EXOC2: variants seen among roughly 807,000 people sequenced by gnomAD.
EXOC2 encodes the protein exocyst complex component 2, also known as SEC5-like 1.
EXOC2 carries 70 observed loss-of-function variants against 131.8 expected under a neutral mutation model. The observed-to-expected ratio is 0.53, with a 90% CI of 0.44 to 0.65. The LOEUF (loss-of-function observed/expected upper bound fraction) is 0.65. Ranked by LOEUF, EXOC2 falls within the 30% of genes least tolerant of loss-of-function variation. EXOC2 has a pLI of 0.00. For synonymous variants in EXOC2, 411 were observed against 398.4 expected, an observed-to-expected ratio of 1.03 and a Z score of -0.38; for missense variants, 923 against 1,108.6, an observed-to-expected ratio of 0.83 and a Z score of 2.38.
chr6:548,229 C>T (rs954750424), intron 22 of EXOC2, among the ~76,000 whole-genome samples: 7 of 151,976 alleles, frequency 4.6e-5, no homozygotes, highest in Non-Finnish European at 7.4e-5. Context: ...AAGACAGGGC[C>T]GCCCACTTTG....
At chr6:526,668 G>A (rs962898946) in intron 23 of EXOC2, among the ~76,000 whole-genome samples, 2 of 152,048 alleles carry the variant, frequency 1.3e-5, no homozygotes, top group Admixed American at 6.5e-5. Flanking sequence ...TTGAACTCCC[G>A]ACCTCAGGTG....
At chr6:583,834 G>C (rs1487205818) in intron 11 of EXOC2, among the ~76,000 whole-genome samples, 1 of 152,158 alleles carries the variant, frequency 6.6e-6, no homozygotes, top group Non-Finnish European at 1.5e-5. Context: ...ACTGGCAGCC[G>C]TACACAGGTC....
rs539100013 is a variant in EXOC2, at chr6:554,243, T to G, written c.2055-323A>C. On this transcript the variant is annotated intron_variant, in intron 20 of 27. Transcript: ENST00000230449. ...TTTTAGTAGAGACAGGGTTTCACCA[T>G]GTTGGCCAGGCTGGTCTCAAACTCC... Among the ~76,000 whole-genome samples the G allele has an allele frequency of 3.3e-5, 5 of 152,304 alleles. No individual in the cohort carries two copies. The East Asian group carries it at 9.6e-4, about 29-fold the overall frequency.
chr6:662,251 C>A (rs1763455222), intron 1 of EXOC2, among the ~76,000 whole-genome samples: 1 of 152,098 alleles, frequency 6.6e-6, no homozygotes, highest in Non-Finnish European at 1.5e-5. Flanking sequence ...GTCATCAAGA[C>A]AGAAAGTCAA....
intron 23 of EXOC2, among the ~76,000 whole-genome samples, chr6:504,562 G>C (rs1331600237): frequency 6.6e-6 from 1 of 152,294 alleles, no homozygotes; most frequent in South Asian, 2.1e-4. Context: ...GTTAGTGCTT[G>C]ATAATTCCTT....
intron 23 of EXOC2, among the ~76,000 whole-genome samples, chr6:502,876 T>C (rs931338456): frequency 6.6e-6 from 1 of 152,070 alleles, no homozygotes; most frequent in Middle Eastern, 3.2e-3. Flanking sequence ...AAATAACTGG[T>C]AATGTTGGAA....
At chr6:495,514 T>C (rs1763677400) in intron 25 of EXOC2, among the ~76,000 whole-genome samples, 1 of 152,214 alleles carries the variant, frequency 6.6e-6, no homozygotes, top group African/African-American at 2.4e-5. Context: ...TATACGAAAC[T>C]GAAAATACGT....
intron 6 of EXOC2, among the ~76,000 whole-genome samples, chr6:614,312 G>A (rs1760873423): frequency 1.3e-5 from 2 of 152,210 alleles, no homozygotes; most frequent in South Asian, 4.1e-4. Context: ...CCGTACTACA[G>A]ACTCCGGATC....
At chr6:657,842 AT>A (rs1469417765) in intron 1 of EXOC2, among the ~76,000 whole-genome samples, 1 of 149,984 alleles carries the variant, frequency 6.7e-6, no homozygotes, top group African/African-American at 2.5e-5. Flanking sequence ...TACTGAGTTT[AT>A]TTTTCTTGAT....
At chr6:570,738 C>T (rs1157162133) in intron 13 of EXOC2, among the ~76,000 whole-genome samples, 1 of 152,200 alleles carries the variant, frequency 6.6e-6, no homozygotes, top group African/African-American at 2.4e-5. Flanking sequence ...TGCCTAAGGT[C>T]ACGGCTAGGA....
At chr6:497,261 G>A (rs544524997) in intron 25 of EXOC2, 106 bp downstream of exon 25, 449 of 968,850 alleles carry the variant, frequency 4.6e-4, no homozygotes, top group Admixed American at 1.1e-3. Flanking sequence ...TCAATCAGTA[G>A]ATCCATTAAA....
chr6:600,472 G>T (rs79240106), intron 7 of EXOC2, among the ~76,000 whole-genome samples: 1,698 of 152,140 alleles, frequency 0.011, 85 homozygotes, highest in Admixed American at 0.079. Flanking sequence ...AAGAATTGAG[G>T]CTCATAAATG....
chr6:597,408 C>T (rs1336152329), intron 10 of EXOC2, among the ~76,000 whole-genome samples: 2 of 152,222 alleles, frequency 1.3e-5, no homozygotes, highest in South Asian at 2.1e-4. Flanking sequence ...AACTCCTGAC[C>T]TAGTGATCCG....
At position 687,171 on chromosome 6, in the gene EXOC2, C is replaced by CTTT. The variant is rs762736216; in HGVS notation, c.-44+5845_-44+5847dup. On this transcript the variant is annotated intron_variant, in intron 1 of 27. Transcript: ENST00000230449. ...GAAGAAGTCATTATCAAATAATATT[C>CTTT]TTTTTTTTTTTTTTTTTTTTTTTGA... is the stretch of plus-strand genomic sequence containing the variant. Among the ~76,000 whole-genome samples, 606 of 78,322 alleles carry CTTT rather than the reference C, an allele frequency of 7.7e-3. 122 individuals are homozygous for CTTT. Among genetic ancestry groups the CTTT allele is most frequent in the African/African-American group, 0.024 (468 of 19,436 alleles). 51.4% of individuals were successfully genotyped at this position (78,322 alleles called of 152,430 possible).
chr6:591,274 C>A (rs1465473392), intron 11 of EXOC2, among the ~76,000 whole-genome samples: 2 of 152,090 alleles, frequency 1.3e-5, no homozygotes, highest in Admixed American at 1.3e-4. Flanking sequence ...TCCATTGACC[C>A]CAGCTTAAAA....
intron 4 of EXOC2, among the ~76,000 whole-genome samples, chr6:621,133 C>T (rs1178309402): frequency 6.6e-6 from 1 of 152,212 alleles, no homozygotes; most frequent in Non-Finnish European, 1.5e-5. Flanking sequence ...CTGGAGCCCA[C>T]TCTCTCTAGC....
intron 23 of EXOC2, among the ~76,000 whole-genome samples, chr6:513,336 T>C (rs1244785311): frequency 6.6e-6 from 1 of 152,234 alleles, no homozygotes; most frequent in East Asian, 1.9e-4. Context: ...GGCTAAATGA[T>C]CTGCCGAACC....
chr6:586,075 G>C (rs746959159), intron 11 of EXOC2, among the ~76,000 whole-genome samples: 2 of 152,224 alleles, frequency 1.3e-5, no homozygotes, highest in African/African-American at 2.4e-5. Flanking sequence ...TTTTACCGCA[G>C]ATCATTTGTA....
chr6:651,843 G>A (rs1762846369), intron 1 of EXOC2, among the ~76,000 whole-genome samples: 3 of 151,806 alleles, frequency 2.0e-5, no homozygotes, highest in African/African-American at 4.8e-5. Context: ...AGATCATAAG[G>A]TCAGGAATTC....
Sources: allele counts gnomAD v4.1 joint callset (sites outside exome capture counted in the v4.1 genomes callset), GRCh38; gene constraint gnomAD v4.1.1; transcripts MANE v1.5; gene names NCBI Gene and HGNC (gene_info 2026-07-23, HGNC 2026-07-21).